The following CBLB variants were observed in gnomAD, a reference collection of about 807,000 sequenced individuals.
CBLB encodes the protein E3 ubiquitin-protein ligase CBL-B.
In CBLB, 31 loss-of-function variants were observed where a neutral mutation model predicts 104.9. The ratio of observed to expected loss-of-function variants is 0.30; its 90% CI spans 0.22 to 0.40. The LOEUF (loss-of-function observed/expected upper bound fraction) is 0.40. CBLB is among the 10% of genes least tolerant of loss of function. The pLI is 1.00. For missense variants in CBLB, 1,062 were observed against 1,214.6 expected (o/e 0.87, Z 1.87); for synonymous variants, 440 against 422.6 (o/e 1.04, Z -0.51).
At chr3:105,686,461 AAAC>A (rs1239495689) in intron 13 of CBLB, among the ~76,000 whole-genome samples, 6 of 151,968 alleles carry the variant, frequency 3.9e-5, no homozygotes, top group African/African-American at 7.2e-5. Flanking sequence ...GAAAAAAAAA[AAAC>A]AAAAAAACTA....
chr3:105,755,016 C>CTTTTTTTTTTTTTTTT (rs67405809), intron 4 of CBLB, among the ~76,000 whole-genome samples: 1 of 143,828 alleles, frequency 7.0e-6, no homozygotes, highest in Non-Finnish European at 1.5e-5. Context: ...AGTATCTTTT[C>CTTTTTTTTTTTTTTTT]TTTTTTTTTT....
At chr3:105,696,675 A>G (rs1428252781) in intron 12 of CBLB, among the ~76,000 whole-genome samples, 3 of 151,886 alleles carry the variant, frequency 2.0e-5, no homozygotes, top group African/African-American at 7.2e-5. Flanking sequence ...ACCAATTTAA[A>G]TCTTCTAAAT....
At chr3:105,745,531 A>G (rs951618383) in intron 6 of CBLB, among the ~76,000 whole-genome samples, 1 of 152,218 alleles carries the variant, frequency 6.6e-6, no homozygotes, top group Non-Finnish European at 1.5e-5. Flanking sequence ...ATGTGCATGT[A>G]TATGTACTTA....
intron 4 of CBLB, among the ~76,000 whole-genome samples, chr3:105,764,922 C>T (rs1576998697): frequency 6.6e-6 from 1 of 152,134 alleles, no homozygotes; most frequent in South Asian, 2.1e-4. Context: ...AAGCCGAATC[C>T]AAAACAAGGC....
chr3:105,831,355 C>T (rs2087488856), intron 3 of CBLB, among the ~76,000 whole-genome samples: 1 of 152,186 alleles, frequency 6.6e-6, no homozygotes, highest in South Asian at 2.1e-4. Flanking sequence ...AAATACATTT[C>T]CCCATTGAAA....
chr3:105,688,616 A>G (rs1358136840), intron 13 of CBLB, among the ~76,000 whole-genome samples: 1 of 152,124 alleles, frequency 6.6e-6, no homozygotes, highest in Non-Finnish European at 1.5e-5. Flanking sequence ...TGCCCTATAC[A>G]TTACACCATA....
intron 4 of CBLB, among the ~76,000 whole-genome samples, chr3:105,764,671 T>C (rs931713024): frequency 2.0e-5 from 3 of 152,218 alleles, no homozygotes; most frequent in African/African-American, 4.8e-5. Flanking sequence ...TCTCTAATTA[T>C]GGACATGATT....
chr3:105,859,756 C>T (rs932533164), intron 2 of CBLB, among the ~76,000 whole-genome samples: 2 of 151,606 alleles, frequency 1.3e-5, no homozygotes, highest in African/African-American at 4.8e-5. Flanking sequence ...ATATATATCT[C>T]TCTCTTTATA....
In CBLB at chr3:105,739,862, T is replaced by C. The variant is rs756820971; in HGVS notation, c.983+632A>G. Among the ~76,000 whole-genome samples the C allele has an allele frequency of 3.4e-4, 51 of 152,170 alleles. 1 individual carries two copies. Among genetic ancestry groups the C allele is most frequent in the Admixed American group, 8.5e-4 (13 of 15,284 alleles). ...GCTCATGCCTGTAATCCCAGCACTT[T>C]GGGAGGCCGAGGCGGGTGGATCATG... On this transcript the variant is annotated intron_variant, in intron 7 of 18. Transcript: ENST00000394030.
chr3:105,774,159 T>C (rs1179827405), intron 4 of CBLB, among the ~76,000 whole-genome samples: 1 of 152,218 alleles, frequency 6.6e-6, no homozygotes, highest in Non-Finnish European at 1.5e-5. Flanking sequence ...TTAAAGGCAC[T>C]GGTTGGGCTA....
At chr3:105,682,024 T>A in intron 14 of CBLB, 1 of 539,292 alleles carries the variant, frequency 1.9e-6, no homozygotes, top group South Asian at 2.3e-5. Flanking sequence ...ACACAGTCTC[T>A]CTTTTTTTAA....
chr3:105,797,565 A>T (rs1252534570), intron 3 of CBLB, among the ~76,000 whole-genome samples: 1 of 152,194 alleles, frequency 6.6e-6, no homozygotes, highest in African/African-American at 2.4e-5. Flanking sequence ...CCTGTATAAC[A>T]AACCTACATA....
chr3:105,843,782 A>G (rs2089874877), intron 3 of CBLB, among the ~76,000 whole-genome samples: 1 of 152,156 alleles, frequency 6.6e-6, no homozygotes, highest in Admixed American at 6.5e-5. Context: ...ATTACAAGTA[A>G]TTTTGTTTGC....
At chr3:105,702,489 A>AAAAAAAAAAAAAAAAC in intron 11 of CBLB, 30 bp from the exon 12 acceptor site, 1 of 1,476,350 alleles carries the variant, frequency 6.8e-7, no homozygotes, top group Non-Finnish European at 9.0e-7. Context: ...AAAAAAAAAA[A>AAAAAAAAAAAAAAAAC]AAAAAAAAAA....
intron 18 of CBLB, among the ~76,000 whole-genome samples, chr3:105,667,400 A>G (rs889955019): frequency 1.3e-5 from 2 of 152,188 alleles, no homozygotes; most frequent in African/African-American, 4.8e-5. Flanking sequence ...ACACATAGAT[A>G]GAAGAGACAT....
chr3:105,735,717 G>A (rs954479956), intron 8 of CBLB, among the ~76,000 whole-genome samples: 2 of 152,134 alleles, frequency 1.3e-5, no homozygotes, highest in African/African-American at 2.4e-5. Context: ...TTGGGAGGGC[G>A]AGGCGGGTGG....
chr3:105,724,326 T>C (rs901170257), intron 9 of CBLB: 3 of 155,142 alleles, frequency 1.9e-5, no homozygotes, highest in African/African-American at 7.2e-5. Flanking sequence ...CTAGACTCTT[T>C]TAGTTTTGAT....
intron 4 of CBLB, among the ~76,000 whole-genome samples, chr3:105,753,431 G>A (rs143957007): frequency 6.6e-6 from 1 of 151,944 alleles, no homozygotes; most frequent in East Asian, 1.9e-4. Flanking sequence ...TTACAATGAA[G>A]TATAAATATG....
In CBLB at chr3:105,722,614, C is replaced by A. The variant is rs77165678; in HGVS notation, c.1204-2364G>T. 2.8e-3 allele frequency among the ~76,000 whole-genome samples: 422 copies of A among 152,088 alleles called. 3 individuals carry two copies. The highest frequency in any genetic ancestry group is 9.9e-3 in the African/African-American group (411 of 41,478). ...CACCCAATCGAAATCATGAAAGTTA[C>A]ATTATTTTTTAGTACAGTGCATAGA... On this transcript the variant is annotated intron_variant, in intron 9 of 18. Coordinates refer to ENST00000394030, the MANE Select transcript of CBLB (RefSeq NM_170662.5).
Sources: gnomAD v4.1 joint callset for allele counts (sites outside exome capture counted in the v4.1 genomes callset) on GRCh38, gnomAD v4.1.1 for gene constraint, MANE v1.5 for transcripts, NCBI Gene and HGNC (gene_info 2026-07-23, HGNC 2026-07-21) for gene names.